TNFSF4: variants seen among roughly 807,000 people sequenced by gnomAD.
The protein encoded by TNFSF4 is TNF superfamily member 4.
TNFSF4 carries 4 observed loss-of-function variants against 7.3 expected under a neutral mutation model. The observed-to-expected ratio is 0.55, with a 90% confidence interval of 0.27 to 1.25. The LOEUF is 1.25. Among genes scored for constraint, TNFSF4 ranks in the 50% most tolerant of loss-of-function variants. The pLI is 0.12. For synonymous variants in TNFSF4, 76 were observed against 83.7 expected (o/e 0.91, Z 0.50); for missense variants, 181 against 208.8 (o/e 0.87, Z 0.82).
At chr1:173,295,834 T>C in the TNFSF4 span, among the ~76,000 whole-genome samples, 7 of 152,026 alleles carry the variant, frequency 4.6e-5, no homozygotes, top group Non-Finnish European at 1.0e-4. Context: ...CACCCAAACT[T>C]CATCATAAAT....
chr1:173,429,468 G>C, the TNFSF4 span, among the ~76,000 whole-genome samples: 30 of 152,236 alleles, frequency 2.0e-4, no homozygotes, highest in Non-Finnish European at 3.8e-4. Context: ...TGTGAAGACA[G>C]AGAAGCTGAG....
the TNFSF4 span, among the ~76,000 whole-genome samples, chr1:173,304,622 CAA>C: frequency 2.0e-5 from 3 of 152,020 alleles, no homozygotes; most frequent in South Asian, 6.2e-4. Flanking sequence ...AGTAAATTGA[CAA>C]AGAAACCAAC....
the TNFSF4 span, among the ~76,000 whole-genome samples, chr1:173,274,917 G>A: frequency 1.1e-4 from 16 of 152,034 alleles, no homozygotes; most frequent in Admixed American, 8.5e-4. Flanking sequence ...CTTTCCATAT[G>A]TTTTTAGTTA....
chr1:173,425,919 T>G, the TNFSF4 span, among the ~76,000 whole-genome samples: 1 of 152,230 alleles, frequency 6.6e-6, no homozygotes, highest in Non-Finnish European at 1.5e-5. Flanking sequence ...AAGTCCTTAC[T>G]GGGACAAAAG....
At chr1:173,408,435 T>C in the TNFSF4 span, among the ~76,000 whole-genome samples, 1 of 152,292 alleles carries the variant, frequency 6.6e-6, no homozygotes, top group East Asian at 1.9e-4. Flanking sequence ...AGGAAGAAAG[T>C]AAGTTTTTTC....
the TNFSF4 span, among the ~76,000 whole-genome samples, chr1:173,379,020 TGATA>T: frequency 6.6e-6 from 1 of 151,590 alleles, no homozygotes; most frequent in Non-Finnish European, 1.5e-5. Flanking sequence ...CAGATGATCC[TGATA>T]GATATACAGA....
the TNFSF4 span, among the ~76,000 whole-genome samples, chr1:173,337,529 A>G: frequency 6.6e-6 from 1 of 152,182 alleles, no homozygotes; most frequent in Non-Finnish European, 1.5e-5. Context: ...CAGTTGACAG[A>G]GGAAAAGAAA....
At chr1:173,435,149 T>C in the TNFSF4 span, among the ~76,000 whole-genome samples, 1 of 152,096 alleles carries the variant, frequency 6.6e-6, no homozygotes, top group East Asian at 1.9e-4. Flanking sequence ...GCCAAGTCTT[T>C]TGGACAATGG....
chr1:173,281,471 A>G, the TNFSF4 span, among the ~76,000 whole-genome samples: 607 of 152,292 alleles, frequency 4.0e-3, 5 homozygotes, highest in African/African-American at 0.014. Flanking sequence ...TGTGCACAAC[A>G]TATTTCATTT....
chr1:173,323,181 G>C, the TNFSF4 span, among the ~76,000 whole-genome samples: 1 of 152,200 alleles, frequency 6.6e-6, no homozygotes. Context: ...ACTCCTCTGA[G>C]ACAAAACTTC....
At chr1:173,209,562 T>A (rs1339410943), upstream of TNFSF4, among the ~76,000 whole-genome samples, 1 of 152,122 alleles carries the variant, frequency 6.6e-6, no homozygotes, top group Non-Finnish European at 1.5e-5. Flanking sequence ...TGGAGTAGAG[T>A]AGCACAATCA....
At chr1:173,349,177 C>T in the TNFSF4 span, among the ~76,000 whole-genome samples, 1 of 152,076 alleles carries the variant, frequency 6.6e-6, no homozygotes. Flanking sequence ...TACAGGCGCC[C>T]GCTGCCACGC....
chr1:173,231,380 T>C, the TNFSF4 span, among the ~76,000 whole-genome samples: 157 of 152,240 alleles, frequency 1.0e-3, 5 homozygotes, highest in South Asian at 0.031. Flanking sequence ...AAAAGGCCTT[T>C]GACAAAATTC....
chr1:173,378,124 G>A, the TNFSF4 span, among the ~76,000 whole-genome samples: 4 of 152,278 alleles, frequency 2.6e-5, no homozygotes, highest in East Asian at 1.9e-4. Context: ...GACCTTCCTC[G>A]GTCCTCCTTG....
chr1:173,259,416 A>G, the TNFSF4 span, among the ~76,000 whole-genome samples: 1 of 152,228 alleles, frequency 6.6e-6, no homozygotes, highest in Non-Finnish European at 1.5e-5. Flanking sequence ...TGAAAGCTCA[A>G]AAAGCCAGAG....
At chr1:173,395,833 G>A in the TNFSF4 span, among the ~76,000 whole-genome samples, 1 of 152,006 alleles carries the variant, frequency 6.6e-6, no homozygotes, top group Admixed American at 6.5e-5. Context: ...TTTTTTGCCA[G>A]TAGAAGAGGC....
chr1:173,363,534 A>G, the TNFSF4 span: 4 of 478,492 alleles, frequency 8.4e-6, no homozygotes, highest in African/African-American at 8.1e-5. Flanking sequence ...GATTCTTAAG[A>G]GCACAAAATA....
In TNFSF4 at chr1:173,183,753, T is replaced by C. The variant is rs1030253327; in HGVS notation, c.*2763A>G. ...CAGTAGTGAATTCTGAGATCTTTTA[T>C]TTGTTTCCATGTAAATAGCAATATT... On this transcript the variant is annotated 3_prime_UTR_variant, in exon 3 of 3. Transcript: ENST00000281834. 9 of 152,206 alleles carry C rather than the reference T, an allele frequency of 5.9e-5. No individual in the cohort carries two copies. The highest frequency in any genetic ancestry group is 1.2e-4 in the Non-Finnish European group (8 of 68,038). The allele number at this position is 152,206 out of a possible 1,614,324, so 9.4% of individuals were successfully genotyped here.
chr1:173,311,003 T>C, the TNFSF4 span, among the ~76,000 whole-genome samples: 1 of 151,956 alleles, frequency 6.6e-6, no homozygotes, highest in African/African-American at 2.4e-5. Flanking sequence ...ACTTTTTATA[T>C]TTTATTCTTA....
Sources: gnomAD v4.1 joint callset for allele counts (sites outside exome capture counted in the v4.1 genomes callset) on GRCh38, gnomAD v4.1.1 for gene constraint, MANE v1.5 for transcripts, NCBI Gene and HGNC (gene_info 2026-07-23, HGNC 2026-07-21) for gene names.